The following VAC14 variants were observed in gnomAD, a reference collection of about 807,000 sequenced individuals.
VAC14 encodes VAC14 component of PIKFYVE complex, also known as protein VAC14 homolog.
VAC14 carries 47 observed loss-of-function variants against 85.3 expected under a neutral mutation model. The observed-to-expected ratio is 0.55, with a 90% CI of 0.44 to 0.70. VAC14 has a LOEUF of 0.70. VAC14 is among the 30% of genes least tolerant of loss of function. The pLI, the probability that VAC14 is intolerant of heterozygous loss-of-function variation, is 0.00. For synonymous variants in VAC14, 447 were observed against 430.5 expected, an observed-to-expected ratio of 1.04 and a Z score of -0.47; for missense variants, 861 against 1,004.3, an observed-to-expected ratio of 0.86 and a Z score of 1.93.
chr16:70,759,687 C>T (rs2032160403), intron 12 of VAC14, among the ~76,000 whole-genome samples: 1 of 152,102 alleles, frequency 6.6e-6, no homozygotes, highest in Admixed American at 6.6e-5. Flanking sequence ...ATACACCTCT[C>T]CATACTCTCC....
intron 17 of VAC14, among the ~76,000 whole-genome samples, chr16:70,694,916 G>C (rs2053675045): frequency 6.6e-6 from 1 of 152,242 alleles, no homozygotes; most frequent in African/African-American, 2.4e-5. Flanking sequence ...CAGAGAGCCA[G>C]AGCAGAGGCA....
intron 12 of VAC14, among the ~76,000 whole-genome samples, chr16:70,749,075 G>A (rs1451644335): frequency 1.4e-4 from 21 of 152,366 alleles, no homozygotes; most frequent in Non-Finnish European, 7.3e-5. Context: ...TTGCCAGGCT[G>A]TTGTGAAGAT....
At chr16:70,698,837 G>A in intron 14 of VAC14, 26 bp from the exon 15 acceptor site, 1 of 1,611,658 alleles carries the variant, frequency 6.2e-7, no homozygotes, top group African/African-American at 1.3e-5. Flanking sequence ...ACTGGGGTCA[G>A]GGCGCAGGCC....
chr16:70,755,856 T>C (rs1324277070), intron 12 of VAC14, among the ~76,000 whole-genome samples: 3 of 152,182 alleles, frequency 2.0e-5, no homozygotes, highest in Non-Finnish European at 4.4e-5. Flanking sequence ...GCTCCTCTCT[T>C]TGGGGGACGG....
chr16:70,741,396 G>T (rs998087312), intron 13 of VAC14, among the ~76,000 whole-genome samples: 3 of 152,210 alleles, frequency 2.0e-5, no homozygotes, highest in African/African-American at 7.2e-5. Flanking sequence ...GAGGTGGGGG[G>T]GCGGGGAAGC....
chr16:70,788,279 G>A (rs1012871876), intron 1 of VAC14, among the ~76,000 whole-genome samples: 1 of 152,172 alleles, frequency 6.6e-6, no homozygotes, highest in African/African-American at 2.4e-5. Flanking sequence ...GCAGTGGTTC[G>A]GTAAAGATTT....
intron 15 of VAC14, among the ~76,000 whole-genome samples, chr16:70,697,488 G>T (rs1478145572): frequency 2.0e-5 from 3 of 152,248 alleles, no homozygotes; most frequent in Admixed American, 1.3e-4. Context: ...TGTGGTGGCT[G>T]CGAGGGCCTG....
chr16:70,754,728 C>T (rs1342092362), intron 12 of VAC14, among the ~76,000 whole-genome samples: 2 of 152,182 alleles, frequency 1.3e-5, no homozygotes, highest in East Asian at 1.9e-4. Flanking sequence ...CACGGCACCC[C>T]TCCATTCTCT....
intron 12 of VAC14, chr16:70,744,784 C>T (rs1161837960): frequency 3.7e-6 from 2 of 546,974 alleles, no homozygotes; most frequent in Non-Finnish European, 6.1e-6. Context: ...GGAACACAGA[C>T]TACAGTGAAT....
chr16:70,689,839 G>A (rs935079519), intron 18 of VAC14: 27 of 985,510 alleles, frequency 2.7e-5, no homozygotes, highest in Non-Finnish European at 3.3e-5. Flanking sequence ...TGGGAACCAG[G>A]TGCCACTGCT....
At chr16:70,718,897 AC>A (rs34853928) in intron 14 of VAC14, among the ~76,000 whole-genome samples, 3,940 of 152,270 alleles carry the variant, frequency 0.026, 73 homozygotes, top group Middle Eastern at 0.044. Context: ...CTGACCTCAA[AC>A]AAAGACTGCA....
rs1402926287 is a variant in VAC14 at position 70,801,037 on chromosome 16, T to C, written c.-137A>G. On this transcript the variant is annotated 5_prime_UTR_variant, in exon 1 of 19. Coordinates refer to ENST00000261776, the MANE Select transcript of VAC14 (RefSeq NM_018052.5). ...GCCGCTCTAGGCTTGCCTGCCACGCTCCGCCGCCTCGCCCTGGAACCCGGG... is the reference window on the plus strand; with the variant it reads ...GCCGCTCTAGGCTTGCCTGCCACGCCCCGCCGCCTCGCCCTGGAACCCGGG... The C allele has an allele frequency of 5.6e-6, 3 of 534,416 alleles. No individual in the cohort carries two copies. The highest frequency in any genetic ancestry group is 3.2e-5 in the South Asian group (1 of 31,006). The allele number at this position is 534,416 out of a possible 1,614,324, so 33.1% of individuals were successfully genotyped here. A position where few individuals can be genotyped will look rare whatever the true frequency, so the allele number is the denominator to read the frequency against.
chr16:70,712,654 T>C (rs1223716691), intron 14 of VAC14, among the ~76,000 whole-genome samples: 1 of 152,120 alleles, frequency 6.6e-6, no homozygotes, highest in Non-Finnish European at 1.5e-5. Flanking sequence ...TGCTGATAAA[T>C]GCACAGAAAG....
rs528397848 is a variant in VAC14 at position 70,745,514 on chromosome 16, T to C, written c.1372-935A>G. Among the ~76,000 whole-genome samples the C allele has an allele frequency of 2.0e-3, 289 of 145,920 alleles. 1 individual carries two copies. The highest frequency in any genetic ancestry group is 4.5e-3 in the African/African-American group (167 of 36,888). On this transcript the variant is annotated intron_variant, in intron 12 of 18. Coordinates refer to ENST00000261776, the MANE Select transcript of VAC14 (RefSeq NM_018052.5). Reference sequence around the variant, plus strand: ...GTGTGTGTGTGTGTGTGTGTGTGTGTGTGTGCGCGTGTGCGCGCGTGTGCC... The same window carrying C: ...GTGTGTGTGTGTGTGTGTGTGTGTGCGTGTGCGCGTGTGCGCGCGTGTGCC...
intron 14 of VAC14, chr16:70,731,198 C>T: frequency 4.4e-6 from 4 of 914,386 alleles, no homozygotes; most frequent in Non-Finnish European, 5.5e-6. Context: ...TCTCCAAAAG[C>T]CTGACAATGG....
At chr16:70,772,256 A>G (rs950942107) in intron 9 of VAC14, 84 bp from the exon 10 acceptor site, 1 of 1,191,130 alleles carries the variant, frequency 8.4e-7, no homozygotes. Flanking sequence ...GCACACACAG[A>G]ACTCTCCAGA....
chr16:70,745,563 G>C (rs2030814634), intron 12 of VAC14, among the ~76,000 whole-genome samples: 1 of 152,080 alleles, frequency 6.6e-6, no homozygotes, highest in Admixed American at 6.5e-5. Flanking sequence ...CTGCCCCAGG[G>C]GCTGCTGAGG....
chr16:70,765,985 T>C (rs1347912552), intron 10 of VAC14, among the ~76,000 whole-genome samples: 3 of 151,636 alleles, frequency 2.0e-5, no homozygotes, highest in African/African-American at 7.3e-5. Flanking sequence ...TTTAAAAAAT[T>C]AGCTGGGTGT....
intron 14 of VAC14, chr16:70,700,081 C>T (rs1217488613): frequency 3.3e-5 from 5 of 152,240 alleles, no homozygotes; most frequent in African/African-American, 1.2e-4. Context: ...TCAGCCTCCG[C>T]TCCGCATGAC....
Sources: gnomAD v4.1 joint callset for allele counts (sites outside exome capture counted in the v4.1 genomes callset) on GRCh38, gnomAD v4.1.1 for gene constraint, MANE v1.5 for transcripts, NCBI Gene and HGNC (gene_info 2026-07-23, HGNC 2026-07-21) for gene names.